ZNF76: variants seen among roughly 807,000 people sequenced by gnomAD.
ZNF76 encodes the protein zinc finger protein 523.
Under a neutral mutation model 66.9 loss-of-function variants are expected in ZNF76, and 66 were observed. The observed-to-expected ratio is 0.99, with a 90% CI of 0.81 to 1.21. ZNF76 has a LOEUF of 1.21. ZNF76 is among the 50% of genes most tolerant of loss of function. ZNF76 has a pLI of 0.00. For synonymous variants in ZNF76, 275 were observed against 296.1 expected (o/e 0.93, Z 0.73); for missense variants, 729 against 760.3 (o/e 0.96, Z 0.48).
At chr6:35,294,310 C>T (rs1354831472) in intron 12 of ZNF76, 146 bp from the exon 13 acceptor site, 1 of 634,700 alleles carries the variant, frequency 1.6e-6, no homozygotes, top group Non-Finnish European at 2.8e-6. Flanking sequence ...TAGCTCTGAG[C>T]CTCAGGCTAA....
rs532293799 is a variant in ZNF76, at chr6:35,274,231, T to C, written c.-96-6825T>C. On this transcript the variant is annotated intron_variant, in intron 1 of 13. Coordinates refer to ENST00000373953, the MANE Select transcript of ZNF76 (RefSeq NM_003427.5). ...CATAATTATTTTTGCTAATCAAAATTGAACATTCTTTTCAGGCAAATGTTT... is the reference window on the plus strand; with the variant it reads ...CATAATTATTTTTGCTAATCAAAATCGAACATTCTTTTCAGGCAAATGTTT... Among the ~76,000 whole-genome samples, 9 of 152,360 alleles carry C rather than the reference T, an allele frequency of 5.9e-5. No homozygotes were observed. The East Asian group carries it at 1.7e-3, about 29-fold the overall frequency.
chr6:35,288,949 TAAAAAA>T (rs34352057), intron 5 of ZNF76, among the ~76,000 whole-genome samples: 14 of 95,774 alleles, frequency 1.5e-4, no homozygotes, highest in African/African-American at 1.6e-4. Flanking sequence ...AGATCCTATC[TAAAAAA>T]AAAAAAAAAA....
rs1447082454 is a variant in ZNF76, at chr6:35,289,231, T to G, written c.433-1035T>G. 2.6e-5 allele frequency among the ~76,000 whole-genome samples: 4 copies of G among 152,248 alleles called. No individual in the cohort carries two copies. The East Asian group carries it at 7.7e-4, about 29-fold the overall frequency. On this transcript the variant is annotated intron_variant, in intron 5 of 13. Coordinates refer to ENST00000373953, the MANE Select transcript of ZNF76 (RefSeq NM_003427.5). The stretch of plus-strand genomic sequence containing the variant: ...AGGTCACTTCCATCCCTGATGTCCC[T>G]TGATTCCCGTGATTACCCCAGGAGC...
chr6:35,268,299 G>A (rs543559749), intron 1 of ZNF76, among the ~76,000 whole-genome samples: 13 of 152,300 alleles, frequency 8.5e-5, no homozygotes, highest in Admixed American at 8.5e-4. Flanking sequence ...CCCTGTGGCT[G>A]TGTTTATTCT....
intron 7 of ZNF76, 184 bp from the exon 8 acceptor site, chr6:35,291,094 G>C (rs1280824404): frequency 1.4e-6 from 1 of 695,548 alleles, no homozygotes; most frequent in Admixed American, 2.9e-5. Context: ...GGCTCCAACT[G>C]CTCCTGGAGA....
intron 1 of ZNF76, among the ~76,000 whole-genome samples, chr6:35,280,167 C>G: frequency 6.6e-6 from 1 of 152,114 alleles, no homozygotes; most frequent in Non-Finnish European, 1.5e-5. Context: ...CTCAGCAGGC[C>G]TCTACAGGCT....
chr6:35,293,283 T>C (rs1408791169), intron 11 of ZNF76, among the ~76,000 whole-genome samples: 1 of 152,236 alleles, frequency 6.6e-6, no homozygotes, highest in Non-Finnish European at 1.5e-5. Context: ...CTCTCTTTAC[T>C]TGGAGGCTGA....
rs1007320650 is a variant in ZNF76, at chr6:35,265,274, G to C, written c.-97+5433G>C. Among the ~76,000 whole-genome samples the C allele has an allele frequency of 2.6e-5, 4 of 152,122 alleles. 1 individual carries two copies. In the South Asian group the frequency reaches 8.3e-4, roughly 32 times the overall value. On this transcript the variant is annotated intron_variant, in intron 1 of 13. Coordinates refer to ENST00000373953, the MANE Select transcript of ZNF76 (RefSeq NM_003427.5). Reference sequence around the variant, plus strand: ...GTAATCCCAGCACTTTGGGAGGCTGGGTTGGGTAGATAACATGAGGCCAGG... The same window carrying C: ...GTAATCCCAGCACTTTGGGAGGCTGCGTTGGGTAGATAACATGAGGCCAGG...
At chr6:35,266,152 G>A (rs376127017) in intron 1 of ZNF76, among the ~76,000 whole-genome samples, 26 of 115,608 alleles carry the variant, frequency 2.2e-4, no homozygotes, top group African/African-American at 6.8e-4. Context: ...AGTTGAGGGT[G>A]GCTACAATTT....
intron 1 of ZNF76, among the ~76,000 whole-genome samples, chr6:35,280,246 T>C (rs1270171291): frequency 6.6e-6 from 1 of 151,868 alleles, no homozygotes; most frequent in South Asian, 2.1e-4. Context: ...TGTTAGAACA[T>C]GAGTTGGAAG....
chr6:35,270,691 G>A (rs1285514312), intron 1 of ZNF76, among the ~76,000 whole-genome samples: 1 of 151,812 alleles, frequency 6.6e-6, no homozygotes, highest in Admixed American at 6.6e-5. Flanking sequence ...CCGAGTAGCT[G>A]GGACTACAGG....
rs750573389 is a variant in ZNF76, at chr6:35,288,033, G to A, written c.432+188G>A. The A allele has an allele frequency of 3.3e-5, 24 of 731,708 alleles. No individual in the cohort carries two copies. In the Middle Eastern group the frequency reaches 3.2e-3, roughly 96 times the overall value. 45.3% of individuals were successfully genotyped at this position (731,708 alleles called of 1,614,324 possible). Reference sequence around the variant, plus strand: ...CCCAACTCACCTGTCACACATCATTGTCTAGGGCATGCAACACAGCCTGGC... The same window carrying A: ...CCCAACTCACCTGTCACACATCATTATCTAGGGCATGCAACACAGCCTGGC... On this transcript the variant is annotated intron_variant, in intron 5 of 13. Transcript: ENST00000373953.
chr6:35,291,512 T>C (rs900341807), intron 8 of ZNF76, 46 bp from the exon 9 acceptor site: 45 of 1,607,024 alleles, frequency 2.8e-5, no homozygotes, highest in Non-Finnish European at 3.7e-5. Flanking sequence ...TGCTCCAGCA[T>C]GGCCCTCTTT....
intron 1 of ZNF76, among the ~76,000 whole-genome samples, chr6:35,265,883 C>G (rs1046589423): frequency 2.0e-5 from 3 of 152,150 alleles, no homozygotes; most frequent in African/African-American, 4.8e-5. Context: ...TTAGAGAATT[C>G]TAGGCAGATA....
At chr6:35,262,775 C>G (rs999396582) in intron 1 of ZNF76, among the ~76,000 whole-genome samples, 1 of 152,190 alleles carries the variant, frequency 6.6e-6, no homozygotes, top group Non-Finnish European at 1.5e-5. Context: ...CTCCTTCCAT[C>G]CCAGCATGAA....
chr6:35,275,712 G>A (rs916441762), intron 1 of ZNF76, among the ~76,000 whole-genome samples: 1 of 152,320 alleles, frequency 6.6e-6, no homozygotes, highest in African/African-American at 2.4e-5. Context: ...GGAAGGAAAC[G>A]TGAATGAGTT....
In ZNF76 at chr6:35,276,282, T is replaced by C. The variant is rs1474448260; in HGVS notation, c.-96-4774T>C. On this transcript the variant is annotated intron_variant, in intron 1 of 13. Coordinates refer to ENST00000373953, the MANE Select transcript of ZNF76 (RefSeq NM_003427.5). ...CATTTTACAGATAAAGAGGCAGACATAGAGATAGAATCGAGATTAGAAGCC... is the reference window on the plus strand; with the variant it reads ...CATTTTACAGATAAAGAGGCAGACACAGAGATAGAATCGAGATTAGAAGCC... Among the ~76,000 whole-genome samples the C allele has an allele frequency of 4.6e-5, 7 of 152,188 alleles. No individual in the cohort carries two copies. In the East Asian group the frequency reaches 1.3e-3, roughly 29 times the overall value.
chr6:35,292,745 G>C lies in ZNF76; in HGVS notation c.1123G>C (p.Glu375Gln). Residue 375 changes from glutamate (E) to glutamine (Q), a missense_variant, in exon 10 of 14, where the codon GAG (glutamate) becomes CAG (glutamine). Glu to Gln is a conservative substitution (Grantham distance 29). Coordinates refer to ENST00000373953, the MANE Select transcript of ZNF76 (RefSeq NM_003427.5). The surrounding 1 kb of genome is among the most constrained non-coding windows in gnomAD (Gnocchi z 4.7). ...RSAHGELEAT[E>Q]ESEQALYEQQ... ...TGCCCACGGCGAGCTGGAGGCCACG[G>C]AGGAGAGCGAGCAGGCCCTCTATGA... 6.2e-7 allele frequency: 1 copy of C among 1,614,086 alleles called. No homozygotes were observed.
At chr6:35,291,163 G>A in intron 7 of ZNF76, 115 bp from the exon 8 acceptor site, 1 of 1,398,618 alleles carries the variant, frequency 7.1e-7, no homozygotes, top group Non-Finnish European at 9.7e-7. Context: ...TGGGATAGAG[G>A]CAGACATGGG....
Sources: gnomAD v4.1 joint callset for allele counts (sites outside exome capture counted in the v4.1 genomes callset) on GRCh38, gnomAD v4.1.1 for gene constraint, Gnocchi (gnomAD v3.1) non-coding constraint, MANE v1.5 for transcripts, NCBI Gene and HGNC (gene_info 2026-07-23, HGNC 2026-07-21) for gene names.